The following PLCL1 variants were observed in gnomAD, a reference collection of about 807,000 sequenced individuals.
The protein encoded by PLCL1 is phospholipase C like 1 (inactive).
A neutral mutation model predicts 84.4 loss-of-function variants in PLCL1; 41 were observed. The ratio of observed to expected loss-of-function variants is 0.49; its 90% CI spans 0.38 to 0.63. The LOEUF (loss-of-function observed/expected upper bound fraction) is 0.63. Ranked by LOEUF, PLCL1 falls within the 30% of genes least tolerant of loss-of-function variation. The pLI, the probability that PLCL1 is intolerant of heterozygous loss-of-function variation, is 0.00. For synonymous variants in PLCL1, 490 were observed against 488.3 expected (o/e 1.00, Z -0.05); for missense variants, 1,206 against 1,367.8 (o/e 0.88, Z 1.87).
intron 1 of PLCL1, among the ~76,000 whole-genome samples, chr2:198,067,216 C>T (rs1039988073): frequency 2.6e-5 from 4 of 151,478 alleles, no homozygotes; most frequent in Non-Finnish European, 4.4e-5. Context: ...GCAACCTCCC[C>T]TCCCGGATTC....
chr2:198,134,181 T>A (rs1007046396), intron 5 of PLCL1, among the ~76,000 whole-genome samples: 2 of 152,142 alleles, frequency 1.3e-5, no homozygotes, highest in Non-Finnish European at 2.9e-5. Context: ...TCTGTTGGTG[T>A]AGATGGCTTG....
intron 1 of PLCL1, among the ~76,000 whole-genome samples, chr2:197,873,062 A>G (rs143898447): frequency 1.5e-3 from 225 of 152,258 alleles, no homozygotes; most frequent in Non-Finnish European, 2.5e-3. Context: ...TTTACCACAC[A>G]CTATGTTATA....
At chr2:198,062,567 A>G (rs1404311641) in intron 1 of PLCL1, among the ~76,000 whole-genome samples, 1 of 152,224 alleles carries the variant, frequency 6.6e-6, no homozygotes, top group East Asian at 1.9e-4. Context: ...AAGTGCTGAA[A>G]AAACACGGTT....
At position 198,083,796 on chromosome 2, in the gene PLCL1, C is replaced by A. The variant is rs762408347; in HGVS notation, c.279C>A (p.Thr93=). 4 of 1,592,888 alleles carry A rather than the reference C, an allele frequency of 2.5e-6. No individual in the cohort carries two copies. Among genetic ancestry groups the A allele is most frequent in the Middle Eastern group, 1.7e-4 (1 of 5,966 alleles). The change falls in exon 2 of 6, where the codon ACC becomes ACA. Residue 93 remains threonine (T), a synonymous_variant. Coordinates refer to ENST00000428675, the MANE Select transcript of PLCL1 (RefSeq NM_006226.4). ...SNQKCGGRKK[T]VSFSSMPSEK... is the part of the protein sequence containing the mutation. ...AAAAATGTGGTGGAAGAAAGAAAAC[C>A]GTGTCTTTCAGCAGCATGCCATCGG...
chr2:198,144,893 T>A (rs1257649885), intron 5 of PLCL1, among the ~76,000 whole-genome samples: 1 of 152,188 alleles, frequency 6.6e-6, no homozygotes, highest in East Asian at 1.9e-4. Context: ...CAGGTAGTGG[T>A]TAAAACCACA....
At chr2:198,116,691 T>C (rs1693755786) in intron 5 of PLCL1, among the ~76,000 whole-genome samples, 1 of 151,876 alleles carries the variant, frequency 6.6e-6, no homozygotes, top group South Asian at 2.1e-4. Context: ...GAATTAAGTA[T>C]TAGACTTTTG....
intron 1 of PLCL1, among the ~76,000 whole-genome samples, chr2:197,885,638 T>C (rs538207365): frequency 2.6e-5 from 4 of 152,310 alleles, no homozygotes; most frequent in East Asian, 1.9e-4. Context: ...CATCACACTT[T>C]CCCGCAGTTT....
chr2:198,145,964 A>G (rs1559120423), intron 5 of PLCL1, among the ~76,000 whole-genome samples: 1 of 152,140 alleles, frequency 6.6e-6, no homozygotes, highest in East Asian at 1.9e-4. Flanking sequence ...TCTATGGGCC[A>G]TAGACACCTG....
At chr2:197,932,566 G>A (rs1688959341) in intron 1 of PLCL1, among the ~76,000 whole-genome samples, 2 of 152,006 alleles carry the variant, frequency 1.3e-5, no homozygotes, top group African/African-American at 4.8e-5. Flanking sequence ...TCCCCTCCCT[G>A]TGTCCATGTG....
intron 1 of PLCL1, among the ~76,000 whole-genome samples, chr2:197,850,869 C>T (rs531634691): frequency 9.9e-5 from 15 of 152,278 alleles, no homozygotes; most frequent in African/African-American, 3.6e-4. Flanking sequence ...ATCCTCTCTC[C>T]AGGAGAGTTT....
intron 1 of PLCL1, among the ~76,000 whole-genome samples, chr2:197,845,384 A>C (rs987801237): frequency 6.6e-6 from 1 of 152,126 alleles, no homozygotes; most frequent in Non-Finnish European, 1.5e-5. Flanking sequence ...CATTTGAGTT[A>C]GACTTTGGAA....
chr2:198,091,595 G>A (rs868825789), intron 3 of PLCL1, among the ~76,000 whole-genome samples: 63 of 151,818 alleles, frequency 4.1e-4, no homozygotes, highest in African/African-American at 9.7e-4. Context: ...CAGGAGAATC[G>A]CTTGAACCTG....
At chr2:198,058,157 G>T (rs1692110449) in intron 1 of PLCL1, among the ~76,000 whole-genome samples, 1 of 152,016 alleles carries the variant, frequency 6.6e-6, no homozygotes, top group South Asian at 2.1e-4. Context: ...TAAATAAATG[G>T]CTGGAAAGAT....
chr2:198,012,191 T>A (rs1456073804), intron 1 of PLCL1, among the ~76,000 whole-genome samples: 1 of 152,110 alleles, frequency 6.6e-6, no homozygotes, highest in East Asian at 1.9e-4. Flanking sequence ...TACTTTGCAG[T>A]GCAGGTGAAG....
intron 1 of PLCL1, among the ~76,000 whole-genome samples, chr2:197,897,074 A>G (rs1269217890): frequency 6.6e-6 from 1 of 151,902 alleles, no homozygotes; most frequent in Non-Finnish European, 1.5e-5. Context: ...CCATAATGAT[A>G]CCTTTGGGGA....
intron 1 of PLCL1, among the ~76,000 whole-genome samples, chr2:197,825,589 A>T (rs1690911562): frequency 6.6e-6 from 1 of 152,220 alleles, no homozygotes. Context: ...CTAAACCAAG[A>T]CAACTCATTC....
chr2:197,867,752 C>T (rs975824870), intron 1 of PLCL1, among the ~76,000 whole-genome samples: 1 of 152,088 alleles, frequency 6.6e-6, no homozygotes, highest in Admixed American at 6.6e-5. Context: ...CATCATCTTG[C>T]CTACTCTGCT....
chr2:197,818,034 G>C (rs1690727259), intron 1 of PLCL1, among the ~76,000 whole-genome samples: 1 of 152,026 alleles, frequency 6.6e-6, no homozygotes. Context: ...ACTGTTCTGG[G>C]TTGTCGATAG....
chr2:198,136,130 T>C (rs1694249936), intron 5 of PLCL1, among the ~76,000 whole-genome samples: 1 of 152,182 alleles, frequency 6.6e-6, no homozygotes. Flanking sequence ...TTTCAAGATG[T>C]TTTTGTTTCC....
Sources: allele counts gnomAD v4.1 joint callset (sites outside exome capture counted in the v4.1 genomes callset), GRCh38; gene constraint gnomAD v4.1.1; transcripts MANE v1.5; gene names NCBI Gene and HGNC (gene_info 2026-07-23, HGNC 2026-07-21).